Variants in RBFOX1 observed in about 807,000 individuals in gnomAD.
RBFOX1 encodes the protein RNA binding fox-1 homolog 1.
RBFOX1 carries 8 observed loss-of-function variants against 57.7 expected under a neutral mutation model. The observed-to-expected ratio is 0.14, with a 90% CI of 0.08 to 0.25. The LOEUF is 0.25. Ranked by LOEUF, RBFOX1 falls within the 10% of genes least tolerant of loss-of-function variation. The pLI, the probability that RBFOX1 is intolerant of heterozygous loss-of-function variation, is 1.00. For synonymous variants in RBFOX1, 326 were observed against 222.4 expected (o/e 1.47, Z -4.15); for missense variants, 611 against 548.5 (o/e 1.11, Z -1.14).
At chr16:6,147,449 A>G (rs932194198) in intron 1 of RBFOX1, among the ~76,000 whole-genome samples, 1 of 152,188 alleles carries the variant, frequency 6.6e-6, no homozygotes, top group African/African-American at 2.4e-5. Context: ...GCTACTCAGC[A>G]TGCCAGAATT....
chr16:6,142,571 A>G (rs2096727426), intron 1 of RBFOX1, among the ~76,000 whole-genome samples: 2 of 152,202 alleles, frequency 1.3e-5, no homozygotes, highest in African/African-American at 2.4e-5. Flanking sequence ...AAGTTCCCCT[A>G]GAAGATAACT....
At chr16:7,200,741 A>T (rs557748240) in intron 4 of RBFOX1, among the ~76,000 whole-genome samples, 8 of 152,310 alleles carry the variant, frequency 5.3e-5, no homozygotes, top group African/African-American at 1.9e-4. Flanking sequence ...CCCCATTAAG[A>T]TGGCAGTGAA....
chr16:5,976,417 A>G (rs2060064465), intron 4 of RBFOX1, among the ~76,000 whole-genome samples: 1 of 152,180 alleles, frequency 6.6e-6, no homozygotes, highest in African/African-American at 2.4e-5. Context: ...TTACCAAACT[A>G]TTTGGCCTTA....
chr16:5,732,182 C>T (rs1476153402), intron 3 of RBFOX1, among the ~76,000 whole-genome samples: 1 of 152,176 alleles, frequency 6.6e-6, no homozygotes, highest in East Asian at 1.9e-4. Flanking sequence ...GCACCTGCTG[C>T]ATGGAGATAA....
At chr16:6,002,022 CGT>C (rs139952434) in intron 4 of RBFOX1, among the ~76,000 whole-genome samples, 17,834 of 150,134 alleles carry the variant, frequency 0.12, 1,282 homozygotes, top group Middle Eastern at 0.25. Flanking sequence ...GCTGGAGTGC[CGT>C]GGCATGATTT....
At chr16:7,069,007 T>C (rs7196221) in intron 4 of RBFOX1, among the ~76,000 whole-genome samples, 109,706 of 152,098 alleles carry the variant, frequency 0.72, 40,176 homozygotes, top group East Asian at 0.91. Flanking sequence ...TATGTGTCAC[T>C]TAAGTGCTAA....
chr16:6,410,472 C>G (rs564294264), intron 2 of RBFOX1, among the ~76,000 whole-genome samples: 1 of 151,694 alleles, frequency 6.6e-6, no homozygotes, highest in Admixed American at 6.6e-5. Context: ...CCACAATGCA[C>G]GGCTAATTTT....
At chr16:7,113,448 A>G (rs1019767286) in intron 4 of RBFOX1, among the ~76,000 whole-genome samples, 3 of 152,164 alleles carry the variant, frequency 2.0e-5, no homozygotes, top group African/African-American at 7.2e-5. Flanking sequence ...CCTGTTGACA[A>G]TATCCTCCCA....
intron 3 of RBFOX1, among the ~76,000 whole-genome samples, chr16:7,020,293 T>C (rs567295306): frequency 1.6e-4 from 25 of 152,286 alleles, no homozygotes; most frequent in African/African-American, 6.0e-4. Context: ...AGGCACAGTC[T>C]TGGCTCACTG....
At chr16:6,315,362 GTGGA>G (rs754638128) in intron 1 of RBFOX1, among the ~76,000 whole-genome samples, 3 of 150,148 alleles carry the variant, frequency 2.0e-5, no homozygotes, top group African/African-American at 4.9e-5. Context: ...GAATGGGTGG[GTGGA>G]TGGATGGATG....
intron 1 of RBFOX1, among the ~76,000 whole-genome samples, chr16:6,086,404 ACT>A (rs2096084667): frequency 6.6e-6 from 1 of 151,878 alleles, no homozygotes; most frequent in Non-Finnish European, 1.5e-5. Context: ...TGTTTAATCC[ACT>A]CTGAGTCAGT....
chr16:5,274,288 G>C (rs897711239), intron 1 of RBFOX1, among the ~76,000 whole-genome samples: 1 of 152,294 alleles, frequency 6.6e-6, no homozygotes, highest in Non-Finnish European at 1.5e-5. Context: ...CAGCCCTTTG[G>C]GAGGCCGAGG....
At chr16:7,028,887 C>T (rs904199132) in intron 3 of RBFOX1, among the ~76,000 whole-genome samples, 1 of 150,768 alleles carries the variant, frequency 6.6e-6, no homozygotes, top group African/African-American at 2.4e-5. Flanking sequence ...CCAAGCTCTG[C>T]CACTCAGCTA....
intron 1 of RBFOX1, among the ~76,000 whole-genome samples, chr16:5,353,735 A>AC (rs746749714): frequency 1.0e-3 from 44 of 43,974 alleles, no homozygotes; most frequent in Non-Finnish European, 3.4e-3. Flanking sequence ...GGAAAAAAAA[A>AC]AAAACCTCGC....
intron 3 of RBFOX1, among the ~76,000 whole-genome samples, chr16:5,865,329 C>T (rs149893120): frequency 1.9e-3 from 283 of 152,224 alleles, no homozygotes; most frequent in African/African-American, 6.4e-3. Flanking sequence ...GCTGCTTTCC[C>T]AGTCCTGAAC....
chr16:6,384,847 G>A (rs1470830023), intron 2 of RBFOX1, among the ~76,000 whole-genome samples: 2 of 152,240 alleles, frequency 1.3e-5, no homozygotes, highest in East Asian at 1.9e-4. Flanking sequence ...TGTGATCTGG[G>A]AGGTTTCTTT....
chr16:6,689,290 A>G (rs1051694536), intron 3 of RBFOX1, among the ~76,000 whole-genome samples: 4 of 152,156 alleles, frequency 2.6e-5, no homozygotes, highest in Non-Finnish European at 5.9e-5. Context: ...ATGTGTTTAT[A>G]ATTCACATGA....
intron 2 of RBFOX1, among the ~76,000 whole-genome samples, chr16:6,653,340 T>A (rs2098613533): frequency 6.6e-6 from 1 of 152,164 alleles, no homozygotes; most frequent in East Asian, 1.9e-4. Context: ...AATGTAAGCA[T>A]CACCAGGGCG....
chr16:6,968,152 C>G (rs1367142486), intron 3 of RBFOX1, among the ~76,000 whole-genome samples: 2 of 152,148 alleles, frequency 1.3e-5, no homozygotes, highest in East Asian at 3.9e-4. Context: ...GACTCGGCCT[C>G]AGGGTGGGAA....
Sources: gnomAD v4.1 joint callset for allele counts (sites outside exome capture counted in the v4.1 genomes callset) on GRCh38, gnomAD v4.1.1 for gene constraint, MANE v1.5 for transcripts, NCBI Gene and HGNC (gene_info 2026-07-23, HGNC 2026-07-21) for gene names.